MYOM2: variants seen among roughly 807,000 people sequenced by gnomAD.
MYOM2 encodes the protein myomesin 2.
MYOM2 carries 254 observed loss-of-function variants against 187.6 expected under a neutral mutation model. The observed-to-expected ratio is 1.35, with a 90% CI of 1.22 to 1.50. The LOEUF (loss-of-function observed/expected upper bound fraction) is 1.50, where lower values mean the gene tolerates loss of function less well. MYOM2 is among the 40% of genes most tolerant of loss of function. MYOM2 has a pLI of 0.00. For missense variants in MYOM2, 2,796 were observed against 1,924.0 expected (o/e 1.45, Z -8.48); for synonymous variants, 981 against 753.8 (o/e 1.30, Z -4.94).
intron 32 of MYOM2, among the ~76,000 whole-genome samples, chr8:2,136,056 A>T (rs1798058161): frequency 6.6e-6 from 1 of 152,222 alleles, no homozygotes; most frequent in African/African-American, 2.4e-5. Context: ...ATGGCTGTCC[A>T]TGTTCTGTGA....
chr8:2,091,880 A>G (rs1376281121), intron 15 of MYOM2, among the ~76,000 whole-genome samples: 1 of 152,252 alleles, frequency 6.6e-6, no homozygotes. Flanking sequence ...GCAGTCCACT[A>G]GTGGGGCCTG....
intron 10 of MYOM2, among the ~76,000 whole-genome samples, chr8:2,075,434 T>C (rs3779850): frequency 0.59 from 89,825 of 151,792 alleles, 26,763 homozygotes; most frequent in East Asian, 0.7. Flanking sequence ...AGGAAACCAT[T>C]TGGCTCAATG....
At chr8:2,088,312 G>T (rs1349697063) in intron 14 of MYOM2, among the ~76,000 whole-genome samples, 1 of 152,106 alleles carries the variant, frequency 6.6e-6, no homozygotes, top group Non-Finnish European at 1.5e-5. Context: ...TTAGCTTCAG[G>T]GGGTACCTGT....
intron 28 of MYOM2, chr8:2,119,559 A>C (rs1448618207): frequency 6.5e-6 from 1 of 152,914 alleles, no homozygotes; most frequent in African/African-American, 2.4e-5. Context: ...CTGGCAAGGC[A>C]GGGTCTCTAC....
intron 21 of MYOM2, among the ~76,000 whole-genome samples, chr8:2,104,420 G>T (rs1796823947): frequency 6.6e-6 from 1 of 152,148 alleles, no homozygotes; most frequent in South Asian, 2.1e-4. Context: ...GGCTAACACA[G>T]TGAAACCCCG....
At chr8:2,067,643 G>A (rs1480000245) in intron 6 of MYOM2, among the ~76,000 whole-genome samples, 1 of 152,184 alleles carries the variant, frequency 6.6e-6, no homozygotes, top group African/African-American at 2.4e-5. Flanking sequence ...ACAGTTCACA[G>A]CCAAGAAGAG....
intron 32 of MYOM2, among the ~76,000 whole-genome samples, chr8:2,136,109 C>G (rs1194413732): frequency 6.6e-6 from 1 of 152,222 alleles, no homozygotes; most frequent in African/African-American, 2.4e-5. Context: ...AATTAGAACC[C>G]AGTCCAAGAG....
intron 32 of MYOM2, among the ~76,000 whole-genome samples, chr8:2,139,968 G>T (rs568674457): frequency 4.5e-4 from 69 of 152,218 alleles, no homozygotes; most frequent in African/African-American, 1.4e-3. Context: ...GTACTGTTCA[G>T]TGGTGTTAAG....
At chr8:2,066,076 G>A (rs13258621) in intron 6 of MYOM2, among the ~76,000 whole-genome samples, 36,569 of 152,150 alleles carry the variant, frequency 0.24, 5,219 homozygotes, top group Non-Finnish European at 0.3. Context: ...GGGTCAAGGC[G>A]TTCACCCTTC....
chr8:2,077,772 G>A (rs558864986), intron 11 of MYOM2, among the ~76,000 whole-genome samples: 74 of 152,294 alleles, frequency 4.9e-4, no homozygotes, highest in Non-Finnish European at 9.4e-4. Flanking sequence ...CAAAGCAACG[G>A]AACACTTTGG....
chr8:2,108,727 T>C (rs1796971841), intron 23 of MYOM2, 59 bp from the exon 24 acceptor site: 15 of 1,560,712 alleles, frequency 9.6e-6, no homozygotes, highest in Non-Finnish European at 1.3e-5. Flanking sequence ...CTTGCTGTTG[T>C]CTACAAACTT....
rs764129008 is a variant in MYOM2 at position 2,102,957 on chromosome 8, G to A, written c.2734+176G>A. ...GAATGGGAGAGTGTGCATGTGTTAC[G>A]TGTACATGTATGTATGGGTATGTGG... On this transcript the variant is annotated intron_variant, in intron 21 of 36. Transcript: ENST00000262113. 3.9e-5 allele frequency among the ~76,000 whole-genome samples: 6 copies of A among 152,138 alleles called. No individual in the cohort carries two copies. In the East Asian group the frequency reaches 7.7e-4, roughly 20 times the overall value.
chr8:2,134,228 C>G (rs190413732), intron 32 of MYOM2, among the ~76,000 whole-genome samples: 1 of 151,898 alleles, frequency 6.6e-6, no homozygotes, highest in East Asian at 1.9e-4. Flanking sequence ...GGTTTCCCCC[C>G]TGTCTAGGAC....
At position 2,144,759 on chromosome 8, in the gene MYOM2, G is replaced by A. The variant is rs759205095; in HGVS notation, c.4176G>A (p.Ser1392=). ...ACATCCAGCTCAGCGAGCACTTCTCGGTGAAGGTGGAGCAGGCCAAGTACG... is the reference window on the plus strand; with the variant it reads ...ACATCCAGCTCAGCGAGCACTTCTCAGTGAAGGTGGAGCAGGCCAAGTACG... ...DQDIQLSEHF[S]VKVEQAKYVS... The change falls in exon 37 of 37, where the codon TCG becomes TCA. Residue 1392 remains serine, a synonymous_variant. Transcript: ENST00000262113. The A allele has an allele frequency of 9.3e-6, 15 of 1,614,048 alleles. 1 individual carries two copies. Among genetic ancestry groups the A allele is most frequent in the South Asian group, 4.4e-5 (4 of 91,076 alleles).
chr8:2,109,582 T>A (rs1797002520), intron 25 of MYOM2, 51 bp downstream of exon 25: 2 of 1,565,236 alleles, frequency 1.3e-6, no homozygotes. Flanking sequence ...CCACTTTTGT[T>A]GTGGTAGGTC....
At chr8:2,123,124 G>A (rs969178613) in intron 28 of MYOM2, 128 bp from the exon 29 acceptor site, 1 of 570,102 alleles carries the variant, frequency 1.8e-6, no homozygotes, top group South Asian at 2.8e-5. Context: ...GCCTTCGTCT[G>A]AGACTGTCTA....
intron 34 of MYOM2, among the ~76,000 whole-genome samples, chr8:2,141,815 G>A (rs1052924686): frequency 6.6e-5 from 10 of 152,184 alleles, no homozygotes; most frequent in African/African-American, 1.4e-4. Context: ...TTAAAATGGC[G>A]ATGCTAGTCC....
intron 10 of MYOM2, among the ~76,000 whole-genome samples, chr8:2,075,294 C>G (rs974002461): frequency 1.3e-4 from 20 of 152,080 alleles, no homozygotes; most frequent in African/African-American, 4.8e-4. Flanking sequence ...ATGCTCCGCC[C>G]CATAAAAAGG....
chr8:2,060,779 T>C (rs1346673313), intron 6 of MYOM2, among the ~76,000 whole-genome samples: 3 of 152,038 alleles, frequency 2.0e-5, no homozygotes, highest in Non-Finnish European at 4.4e-5. Flanking sequence ...TTTTATACAT[T>C]GGATCCTGTT....
Sources: gnomAD v4.1 joint callset for allele counts (sites outside exome capture counted in the v4.1 genomes callset) on GRCh38, gnomAD v4.1.1 for gene constraint, MANE v1.5 for transcripts, NCBI Gene and HGNC (gene_info 2026-07-23, HGNC 2026-07-21) for gene names.